The following DLG2 variants were observed in gnomAD, a reference collection of about 807,000 sequenced individuals.
The protein encoded by DLG2 is discs large MAGUK scaffold protein 2.
Under a neutral mutation model 132.5 loss-of-function variants are expected in DLG2, and 45 were observed. The observed-to-expected ratio is 0.34, with a 90% CI of 0.27 to 0.44. The LOEUF is 0.44. Ranked by LOEUF, DLG2 falls within the 20% of genes least tolerant of loss-of-function variation. DLG2 has a pLI of 1.00. For missense variants in DLG2, 1,045 were observed against 1,196.9 expected (o/e 0.87, Z 1.87); for synonymous variants, 424 against 419.6 (o/e 1.01, Z -0.13).
intron 7 of DLG2, among the ~76,000 whole-genome samples, chr11:84,391,992 T>C (rs2098794174): frequency 6.6e-6 from 1 of 152,216 alleles, no homozygotes; most frequent in Non-Finnish European, 1.5e-5. Context: ...TCATCCTCTC[T>C]GAATCTCAGC....
At chr11:83,536,963 AG>A (rs2141266655) in intron 20 of DLG2, among the ~76,000 whole-genome samples, 1 of 152,326 alleles carries the variant, frequency 6.6e-6, no homozygotes, top group African/African-American at 2.4e-5. Context: ...GTAAATATTA[AG>A]GTCCAAAGGC....
In DLG2 at chr11:83,670,371, T is replaced by C. The variant is rs961543504; in HGVS notation, c.1826-37046A>G. ...CAGGTTTCAGGCCAAGGCTAGGTTC[T>C]GGACATACAGAAAAAAAAAACCCAT... On this transcript the variant is annotated intron_variant, in intron 18 of 27. Coordinates refer to ENST00000376104, the MANE Select transcript of DLG2 (RefSeq NM_001142699.3). Among the ~76,000 whole-genome samples the C allele has an allele frequency of 1.9e-4, 25 of 132,160 alleles. No individual in the cohort carries two copies. The South Asian group carries it at 3.2e-3, about 17-fold the overall frequency. The allele number at this position is 132,160 out of a possible 152,430, so 86.7% of individuals were successfully genotyped here. A position where few individuals can be genotyped will look rare whatever the true frequency, so the allele number is the denominator to read the frequency against.
At chr11:84,864,929 G>C (rs1334188251) in intron 6 of DLG2, among the ~76,000 whole-genome samples, 1 of 152,102 alleles carries the variant, frequency 6.6e-6, no homozygotes, top group Admixed American at 6.5e-5. Context: ...AAATTCATAG[G>C]TGTTGGGGAG....
intron 9 of DLG2, among the ~76,000 whole-genome samples, chr11:84,130,176 A>C (rs1041935923): frequency 6.6e-6 from 1 of 152,056 alleles, no homozygotes; most frequent in African/African-American, 2.4e-5. Flanking sequence ...AAGGGGGAGT[A>C]TGAGTCTGAA....
intron 18 of DLG2, among the ~76,000 whole-genome samples, chr11:83,659,929 A>G (rs984147770): frequency 1.3e-5 from 2 of 152,216 alleles, no homozygotes; most frequent in Non-Finnish European, 2.9e-5. Flanking sequence ...CAGAGTGCCT[A>G]TCTCAATGCT....
intron 18 of DLG2, among the ~76,000 whole-genome samples, chr11:83,737,771 G>C (rs183213211): frequency 2.0e-5 from 3 of 152,322 alleles, no homozygotes. Flanking sequence ...GGTTAACACT[G>C]TGAAACCCCA....
At chr11:85,037,815 T>C (rs898390359) in intron 6 of DLG2, among the ~76,000 whole-genome samples, 4 of 152,146 alleles carry the variant, frequency 2.6e-5, no homozygotes, top group Non-Finnish European at 5.9e-5. Flanking sequence ...ATAAGACACA[T>C]TTACCTTATT....
chr11:84,167,595 G>C (rs2095698793), intron 8 of DLG2, among the ~76,000 whole-genome samples: 1 of 152,044 alleles, frequency 6.6e-6, no homozygotes, highest in Non-Finnish European at 1.5e-5. Flanking sequence ...TAATTTCTCT[G>C]AAATGTTTTG....
chr11:83,570,122 A>G (rs1040286429), intron 19 of DLG2, among the ~76,000 whole-genome samples: 4 of 152,160 alleles, frequency 2.6e-5, no homozygotes, highest in Non-Finnish European at 2.9e-5. Context: ...CTAAATATCT[A>G]TCACTATCAA....
chr11:84,206,532 G>A (rs2096667777), intron 8 of DLG2, among the ~76,000 whole-genome samples: 1 of 151,900 alleles, frequency 6.6e-6, no homozygotes, highest in Admixed American at 6.6e-5. Flanking sequence ...ATATAAATAG[G>A]ATAATACATC....
At chr11:85,456,750 T>C (rs576728871) in intron 3 of DLG2, among the ~76,000 whole-genome samples, 2 of 152,338 alleles carry the variant, frequency 1.3e-5, no homozygotes, top group East Asian at 3.9e-4. Context: ...GAGTAGGTTG[T>C]TTCATTTCCA....
In DLG2 at chr11:84,136,577, A is replaced by C. The variant is rs2094609153; in HGVS notation, c.624+26884T>G. On this transcript the variant is annotated intron_variant, in intron 9 of 27. Transcript: ENST00000376104. ...ATGGTTTCATAGACTCGAGAAGGAC[A>C]ATATGTAACATGTTAATAGTAAGTA... is the stretch of plus-strand genomic sequence containing the variant. Among the ~76,000 whole-genome samples, 3 of 152,170 alleles carry C rather than the reference A, an allele frequency of 2.0e-5. 1 individual carries two copies. The South Asian group carries it at 6.2e-4, about 31-fold the overall frequency.
At chr11:84,395,776 T>C (rs1462689729) in intron 7 of DLG2, among the ~76,000 whole-genome samples, 1 of 152,252 alleles carries the variant, frequency 6.6e-6, no homozygotes, top group Non-Finnish European at 1.5e-5. Flanking sequence ...AAGCATACAA[T>C]GTTGTCAATT....
chr11:85,298,103 G>A (rs1483012647), intron 3 of DLG2, among the ~76,000 whole-genome samples: 1 of 152,058 alleles, frequency 6.6e-6, no homozygotes, highest in Admixed American at 6.6e-5. Flanking sequence ...GTGCTGGGGT[G>A]GCAGTAGCAA....
intron 4 of DLG2, among the ~76,000 whole-genome samples, chr11:85,252,464 T>C (rs2076444771): frequency 6.6e-6 from 1 of 152,124 alleles, no homozygotes; most frequent in Non-Finnish European, 1.5e-5. Context: ...CACACACCTG[T>C]AGTCCCAGAT....
intron 3 of DLG2, among the ~76,000 whole-genome samples, chr11:85,423,309 C>A (rs1438931742): frequency 6.6e-6 from 1 of 152,182 alleles, no homozygotes; most frequent in Non-Finnish European, 1.5e-5. Flanking sequence ...GCTGTGGATA[C>A]CAGCACCTTT....
intron 4 of DLG2, among the ~76,000 whole-genome samples, chr11:85,189,757 C>T (rs1032821737): frequency 6.6e-6 from 1 of 152,046 alleles, no homozygotes; most frequent in South Asian, 2.1e-4. Flanking sequence ...TAAAATAAAA[C>T]CAAGAAAACC....
At chr11:85,425,758 T>A (rs765687121) in intron 3 of DLG2, among the ~76,000 whole-genome samples, 4 of 151,998 alleles carry the variant, frequency 2.6e-5, no homozygotes, top group Non-Finnish European at 5.9e-5. Context: ...AGGTACCAGG[T>A]TCATCTCACT....
chr11:83,577,484 T>TTATATATATATAATAGGATATATTA (rs2096891724), intron 19 of DLG2, among the ~76,000 whole-genome samples: 5 of 124,344 alleles, frequency 4.0e-5, no homozygotes, highest in African/African-American at 1.4e-4. Context: ...ATAGGATATA[T>TTATATATATATAATAGGATATATTA]TATATATATA....
Sources: allele counts gnomAD v4.1 joint callset (sites outside exome capture counted in the v4.1 genomes callset), GRCh38; gene constraint gnomAD v4.1.1; transcripts MANE v1.5; gene names NCBI Gene and HGNC (gene_info 2026-07-23, HGNC 2026-07-21).